AASS: variants seen among roughly 807,000 people sequenced by gnomAD.
AASS encodes the protein alpha-aminoadipic semialdehyde synthase, mitochondrial.
Under a neutral mutation model 105.4 loss-of-function variants are expected in AASS, and 86 were observed. That is an observed-to-expected ratio of 0.82 (90% CI 0.69 to 0.98). The LOEUF (loss-of-function observed/expected upper bound fraction) is 0.98, where lower values mean the gene tolerates loss of function less well. Among genes scored for constraint, AASS ranks in the 50% least tolerant of loss-of-function variants. The pLI is 0.00. For missense variants in AASS, 1,048 were observed against 1,143.2 expected (o/e 0.92, Z 1.20); for synonymous variants, 381 against 394.8 (o/e 0.96, Z 0.41).
At chr7:122,104,211 G>T (rs576096512) in intron 11 of AASS, among the ~76,000 whole-genome samples, 1 of 152,060 alleles carries the variant, frequency 6.6e-6, no homozygotes, top group Admixed American at 6.6e-5. Context: ...CAATAGCAAA[G>T]TTATGGAACC....
intron 19 of AASS, among the ~76,000 whole-genome samples, chr7:122,082,603 A>G (rs1793402453): frequency 6.6e-6 from 1 of 152,158 alleles, no homozygotes; most frequent in South Asian, 2.1e-4. Context: ...ATTATATTTT[A>G]TTTGTGTGCA....
intron 15 of AASS, 24 bp from the exon 16 acceptor site, chr7:122,093,182 CAG>C (rs765135442): frequency 6.6e-7 from 1 of 1,522,692 alleles, no homozygotes; most frequent in Non-Finnish European, 9.1e-7. Context: ...AGAAACTAAT[CAG>C]AAACTCCCTT....
In AASS at chr7:122,077,772, G is replaced by A; in HGVS notation, c.2662+66C>T. The A allele has an allele frequency of 2.5e-6, 4 of 1,573,944 alleles. No homozygotes were observed. In the South Asian group the frequency reaches 3.3e-5, roughly 13 times the overall value. On this transcript the variant is annotated intron_variant, in intron 23 of 23. Transcript: ENST00000417368. ...TTACGCTCAAGAGCAATTACTTGAT[G>A]TCCAGGCACCAAATGGCTTGGAGGT...
intron 8 of AASS, among the ~76,000 whole-genome samples, 159 bp downstream of exon 8, chr7:122,116,474 C>A (rs962124169): frequency 8.5e-5 from 13 of 152,088 alleles, no homozygotes; most frequent in African/African-American, 3.1e-4. Context: ...CTCCAAATAC[C>A]ATAAAAGATG....
At chr7:122,083,314 C>A (rs1316111907) in intron 19 of AASS, among the ~76,000 whole-genome samples, 1 of 152,152 alleles carries the variant, frequency 6.6e-6, no homozygotes, top group Non-Finnish European at 1.5e-5. Context: ...CTTCTGGGAC[C>A]TGATAGGTGC....
chr7:122,097,361 T>A (rs1794207011), intron 15 of AASS, among the ~76,000 whole-genome samples: 1 of 152,044 alleles, frequency 6.6e-6, no homozygotes, highest in Non-Finnish European at 1.5e-5. Flanking sequence ...CAAATTTATT[T>A]ATTTATTTAT....
intron 1 of AASS, among the ~76,000 whole-genome samples, chr7:122,141,943 T>C (rs1796420019): frequency 6.6e-6 from 1 of 152,132 alleles, no homozygotes; most frequent in Non-Finnish European, 1.5e-5. Context: ...AAATAGGCAC[T>C]CTGACTTATG....
rs73426062 is a variant in AASS at position 122,143,144 on chromosome 7, A to G, written c.-16+1017T>C. Among the ~76,000 whole-genome samples the G allele has an allele frequency of 3.8e-3, 579 of 152,214 alleles. 4 individuals are homozygous for G. Among genetic ancestry groups the G allele is most frequent in the African/African-American group, 0.013 (550 of 41,524 alleles). On this transcript the variant is annotated intron_variant, in intron 1 of 23. Transcript: ENST00000417368. ...AACCCAGAAACACCAAAGTGCCATCAGTGTTTTGGGATTTTTTTTAATACA... is the reference window on the plus strand; with the variant it reads ...AACCCAGAAACACCAAAGTGCCATCGGTGTTTTGGGATTTTTTTTAATACA...
chr7:122,079,659 C>T lies in AASS; in HGVS notation c.2334G>A (p.Val778=), dbSNP rs1181565189. Residue 778 remains valine, a synonymous_variant, in exon 21 of 24, where the codon GTG becomes GTA. Coordinates refer to ENST00000417368, the MANE Select transcript of AASS (RefSeq NM_005763.4). The part of the protein sequence containing the change: ...VGISPSSEHD[V]LKEAVLKKLG... ...GTTTCTTAAGAACAGCTTCCTTCAACACATCATGCTCAGAGGAGGGTGAAA... is the reference window on the plus strand; with the variant it reads ...GTTTCTTAAGAACAGCTTCCTTCAATACATCATGCTCAGAGGAGGGTGAAA... 6.2e-7 allele frequency: 1 copy of T among 1,613,926 alleles called. No homozygotes were observed. Among genetic ancestry groups the T allele is most frequent in the Non-Finnish European group, 8.5e-7 (1 of 1,179,964 alleles).
In AASS at chr7:122,086,080, T is replaced by C; in HGVS notation, c.2116A>G (p.Thr706Ala). ...ATGCCATAAATCTCAGCATATTTCG[T>C]ACTGTCTCTGTTAGGATAGCCTTCC... ...NLEGYPNRDS[T>A]KYAEIYGISS... Residue 706 changes from threonine (T) to alanine (A), a missense_variant, in exon 19 of 24, where the codon ACG becomes GCG. Coordinates refer to ENST00000417368, the MANE Select transcript of AASS (RefSeq NM_005763.4). 6.2e-7 allele frequency: 1 copy of C among 1,613,690 alleles called. No individual in the cohort carries two copies. The highest frequency in any genetic ancestry group is 8.5e-7 in the Non-Finnish European group (1 of 1,179,812).
intron 11 of AASS, among the ~76,000 whole-genome samples, chr7:122,108,949 T>C (rs1394048339): frequency 6.6e-6 from 1 of 152,004 alleles, no homozygotes; most frequent in Non-Finnish European, 1.5e-5. Flanking sequence ...ACTGATAAAT[T>C]TAGTAAAATT....
At chr7:122,136,107 T>G (rs1796127974) in intron 1 of AASS, among the ~76,000 whole-genome samples, 1 of 152,176 alleles carries the variant, frequency 6.6e-6, no homozygotes, top group Non-Finnish European at 1.5e-5. Context: ...CCAGAAATTT[T>G]CTACCCATCA....
At chr7:122,126,504 A>C (rs780230269) in intron 3 of AASS, 45 bp from the exon 4 acceptor site, 5 of 1,494,436 alleles carry the variant, frequency 3.3e-6, no homozygotes, top group Non-Finnish European at 1.9e-6. Context: ...ATTAAGCTTA[A>C]TTTTAACAAG....
chr7:122,139,820 C>G (rs1335308973), intron 1 of AASS, among the ~76,000 whole-genome samples: 1 of 151,964 alleles, frequency 6.6e-6, no homozygotes, highest in East Asian at 1.9e-4. Context: ...GGCGTGGTGG[C>G]GCATGCTGGT....
intron 3 of AASS, among the ~76,000 whole-genome samples, chr7:122,128,224 A>G (rs1795744264): frequency 6.6e-6 from 1 of 152,210 alleles, no homozygotes; most frequent in Admixed American, 6.5e-5. Flanking sequence ...CTTGCAGTCT[A>G]GACCAGCCTA....
At chr7:122,090,570 T>C (rs986163948) in intron 18 of AASS, among the ~76,000 whole-genome samples, 1 of 152,158 alleles carries the variant, frequency 6.6e-6, no homozygotes, top group East Asian at 1.9e-4. Context: ...AAAATATTGA[T>C]GCTAAAATAA....
At position 122,126,475 on chromosome 7, in the gene AASS, A is replaced by G; in HGVS notation, c.388-16T>C. The G allele has an allele frequency of 6.2e-7, 1 of 1,608,764 alleles. No homozygotes were observed. The highest frequency in any genetic ancestry group is 8.5e-7 in the Non-Finnish European group (1 of 1,175,220). ...GGCGAATTTCCTGAAAAGAGGATAA[A>G]AAAATTTCAACTGGACCCATTAAGC... On this transcript the variant is annotated splice_polypyrimidine_tract_variant and intron_variant, in intron 3 of 23. Coordinates refer to ENST00000417368, the MANE Select transcript of AASS (RefSeq NM_005763.4).
chr7:122,115,349 G>T, intron 8 of AASS, 127 bp from the exon 9 acceptor site: 5 of 1,231,102 alleles, frequency 4.1e-6, no homozygotes, highest in Admixed American at 3.9e-5. Flanking sequence ...TTTTCTTATT[G>T]TCCATGTCAG....
chr7:122,078,805 C>T, intron 22 of AASS, 57 bp downstream of exon 22: 1 of 1,514,788 alleles, frequency 6.6e-7, no homozygotes. Context: ...ATTATCTGCA[C>T]TGACTCTATC....
Sources: allele counts gnomAD v4.1 joint callset (sites outside exome capture counted in the v4.1 genomes callset), GRCh38; gene constraint gnomAD v4.1.1; transcripts MANE v1.5; gene names NCBI Gene and HGNC (gene_info 2026-07-23, HGNC 2026-07-21).